The following LRRC27 variants were observed in gnomAD, a reference collection of about 807,000 sequenced individuals.
LRRC27 encodes the protein leucine-rich repeat-containing protein 27.
LRRC27 carries 57 observed loss-of-function variants against 55.0 expected under a neutral mutation model. That is an observed-to-expected ratio of 1.04 (90% CI 0.84 to 1.29). LRRC27 has a LOEUF of 1.29. LRRC27 is among the 50% of genes most tolerant of loss of function. The pLI is 0.00. For synonymous variants in LRRC27, 278 were observed against 251.9 expected (o/e 1.10, Z -0.98); for missense variants, 721 against 651.5 (o/e 1.11, Z -1.16).
intron 8 of LRRC27, among the ~76,000 whole-genome samples, chr10:132,357,784 G>C (rs2068372720): frequency 6.6e-6 from 1 of 152,238 alleles, no homozygotes; most frequent in Non-Finnish European, 1.5e-5. Context: ...ATGAGATAGA[G>C]CAGTTCAGTC....
At position 132,375,374 on chromosome 10, in the gene LRRC27, C is replaced by A; in HGVS notation, c.*132C>A. On this transcript the variant is annotated 3_prime_UTR_variant, in exon 11 of 11. Coordinates refer to ENST00000368614, the MANE Select transcript of LRRC27 (RefSeq NM_030626.3). ...TACCCTGAGGGCTGATTTCGCGCAG[C>A]CTGTTGTTTTCCTTAGACAGGTCCA... 1.3e-6 allele frequency: 1 copy of A among 751,080 alleles called. No homozygotes were observed. Among genetic ancestry groups the A allele is most frequent in the Non-Finnish European group, 2.1e-6 (1 of 473,866 alleles). 46.5% of individuals were successfully genotyped at this position (751,080 alleles called of 1,614,324 possible). A position where few individuals can be genotyped will look rare whatever the true frequency, so the allele number is the denominator to read the frequency against.
At chr10:132,362,839 C>T (rs1490735708) in intron 9 of LRRC27, among the ~76,000 whole-genome samples, 8 of 142,742 alleles carry the variant, frequency 5.6e-5, no homozygotes, top group Admixed American at 2.8e-4. Context: ...CACAGCAGCT[C>T]GGGGGTCGGG....
chr10:132,340,520 T>C (rs560854308), intron 3 of LRRC27, among the ~76,000 whole-genome samples: 1 of 152,262 alleles, frequency 6.6e-6, no homozygotes, highest in Admixed American at 6.5e-5. Flanking sequence ...GTTCACCTTA[T>C]AGAGAGCAGA....
intron 10 of LRRC27, among the ~76,000 whole-genome samples, chr10:132,373,588 C>T (rs1313439297): frequency 3.9e-5 from 6 of 152,170 alleles, no homozygotes; most frequent in East Asian, 1.9e-4. Context: ...CACAATAAGA[C>T]GTTTTCAGAT....
chr10:132,359,914 G>A (rs11814716), intron 8 of LRRC27, among the ~76,000 whole-genome samples: 45,254 of 152,058 alleles, frequency 0.3, 7,076 homozygotes, highest in East Asian at 0.48. Context: ...AGACTTCGCC[G>A]GTGTGTTCGT....
At chr10:132,331,940 C>T (rs1207289002), upstream of LRRC27, 11 of 589,614 alleles carry the variant, frequency 1.9e-5, no homozygotes, top group South Asian at 1.7e-4. Context: ...AGCGCAACCC[C>T]CCGCCCCAGC....
intron 10 of LRRC27, among the ~76,000 whole-genome samples, chr10:132,365,938 T>C (rs1254454651): frequency 6.6e-6 from 1 of 152,242 alleles, no homozygotes; most frequent in African/African-American, 2.4e-5. Context: ...CTTCAGAGCA[T>C]GCGCTCTCTA....
In LRRC27 at chr10:132,378,497, G is replaced by C. The variant is rs757034266; in HGVS notation, c.*3255G>C. ...TGTGTGTATGCATTCGTGCGTACGA[G>C]TGTGTGCATGTGTGCGCCCGTGTGT... On this transcript the variant is annotated 3_prime_UTR_variant, in exon 11 of 11. Coordinates refer to ENST00000368614, the MANE Select transcript of LRRC27 (RefSeq NM_030626.3). 6.6e-6 allele frequency: 1 copy of C among 151,994 alleles called. No homozygotes were observed. The highest frequency in any genetic ancestry group is 1.5e-5 in the Non-Finnish European group (1 of 68,052). 9.4% of individuals were successfully genotyped at this position (151,994 alleles called of 1,614,324 possible).
At chr10:132,343,837 C>G (rs2067542381) in intron 4 of LRRC27, among the ~76,000 whole-genome samples, 2 of 152,262 alleles carry the variant, frequency 1.3e-5, no homozygotes, top group African/African-American at 4.8e-5. Context: ...CTTCCCCGTG[C>G]TCCTCATTCC....
chr10:132,349,887 C>T (rs575825472), intron 6 of LRRC27, among the ~76,000 whole-genome samples: 6 of 152,308 alleles, frequency 3.9e-5, no homozygotes, highest in Middle Eastern at 3.4e-3. Flanking sequence ...AGCTTTCCCA[C>T]GGGGTGGTTG....
intron 7 of LRRC27, chr10:132,352,870 G>T (rs374729788): frequency 1.2e-6 from 2 of 1,613,600 alleles, no homozygotes; most frequent in Non-Finnish European, 1.7e-6. Context: ...CTCATTTCTT[G>T]TTCTTCCTCA....
chr10:132,364,957 A>G (rs940749016), intron 9 of LRRC27, among the ~76,000 whole-genome samples: 1 of 152,048 alleles, frequency 6.6e-6, no homozygotes, highest in Non-Finnish European at 1.5e-5. Flanking sequence ...AAATTAAAGG[A>G]ACCCCAAACC....
At chr10:132,355,911 G>T (rs561000884) in intron 8 of LRRC27, 25 bp downstream of exon 8, 13 of 1,520,928 alleles carry the variant, frequency 8.5e-6, no homozygotes, top group Non-Finnish European at 1.2e-5. Context: ...GGCGGTGACC[G>T]GGCACTAGTC....
rs768092389 is a variant in LRRC27 at position 132,348,033 on chromosome 10, A to G, written c.603A>G (p.Gly201=). 2.5e-6 allele frequency: 4 copies of G among 1,613,478 alleles called. No individual in the cohort carries two copies. The highest frequency in any genetic ancestry group is 3.5e-4 in the Middle Eastern group (2 of 5,708). ...CCCTCCGTGACCTCCCGAGCCCAGG[A>G]CTGGAGTTGTCTGGAGACCACGCGT... ...EMTLRDLPSP[G]LELSGDHASN... Residue 201 remains glycine (G), a synonymous_variant, in exon 6 of 11, where the codon GGA becomes GGG. Transcript: ENST00000368614. This position sits in a 1 kb window ranked among gnomAD's most constrained non-coding sequence, Gnocchi z 4.2.
At chr10:132,364,342 ACTTAATCTACCTCCACACC>A (rs2068808386) in intron 9 of LRRC27, among the ~76,000 whole-genome samples, 1 of 24,220 alleles carries the variant, frequency 4.1e-5, no homozygotes. Context: ...CCACACCCAC[ACTTAATCTACCTCCACACC>A]CGCGCTTACA....
At position 132,348,914 on chromosome 10, in the gene LRRC27, T is replaced by C. The variant is rs541335926; in HGVS notation, c.926+558T>C. The C allele has an allele frequency of 7.2e-7, 1 of 1,397,298 alleles. No individual in the cohort carries two copies. Among genetic ancestry groups the C allele is most frequent in the East Asian group, 2.5e-5 (1 of 40,310 alleles). The allele number at this position is 1,397,298 out of a possible 1,614,324, so 86.6% of individuals were successfully genotyped here. On this transcript the variant is annotated intron_variant, in intron 6 of 10. Coordinates refer to ENST00000368614, the MANE Select transcript of LRRC27 (RefSeq NM_030626.3). The surrounding 1 kb of genome is among the most constrained non-coding windows in gnomAD (Gnocchi z 4.2). The stretch of plus-strand genomic sequence containing the variant: ...CACTTCCAAAGCTTGCCTTTGCCTT[T>C]GGTACAGTGAGTTTGGGGGCCGAGA...
At chr10:132,371,730 T>C (rs1374750839) in intron 10 of LRRC27, among the ~76,000 whole-genome samples, 2 of 152,218 alleles carry the variant, frequency 1.3e-5, no homozygotes, top group Non-Finnish European at 2.9e-5. Context: ...AGAAGATGAA[T>C]GTGAACTTCC....
chr10:132,347,748 C>T (rs935678049), intron 5 of LRRC27, among the ~76,000 whole-genome samples: 1 of 152,128 alleles, frequency 6.6e-6, no homozygotes, highest in Non-Finnish European at 1.5e-5. Flanking sequence ...AGGTGTGCTT[C>T]TGGCAGTGTT....
In LRRC27 at chr10:132,341,697, G is replaced by A. The variant is rs138682074; in HGVS notation, c.342-516G>A. Among the ~76,000 whole-genome samples, 974 of 152,252 alleles carry A rather than the reference G, an allele frequency of 6.4e-3. 8 individuals carry two copies. The highest frequency in any genetic ancestry group is 9.4e-3 in the Non-Finnish European group (640 of 68,020). On this transcript the variant is annotated intron_variant, in intron 3 of 10. Coordinates refer to ENST00000368614, the MANE Select transcript of LRRC27 (RefSeq NM_030626.3). ...CCAAGCAGGGCAGGTTATACTGTGCGGTGGAAGTCTCTCAAACATTTTTGG... is the reference window on the plus strand; with the variant it reads ...CCAAGCAGGGCAGGTTATACTGTGCAGTGGAAGTCTCTCAAACATTTTTGG...
Sources: gnomAD v4.1 joint callset for allele counts (sites outside exome capture counted in the v4.1 genomes callset) on GRCh38, gnomAD v4.1.1 for gene constraint, Gnocchi (gnomAD v3.1) non-coding constraint, MANE v1.5 for transcripts, NCBI Gene and HGNC (gene_info 2026-07-23, HGNC 2026-07-21) for gene names.